GCNT2: variants seen among roughly 807,000 people sequenced by gnomAD.
GCNT2 encodes the protein N-acetyllactosaminide beta-1,6-N-acetylglucosaminyl-transferase.
In GCNT2, 34 loss-of-function variants were observed where a neutral mutation model predicts 34.2. The ratio of observed to expected loss-of-function variants is 1.00; its 90% CI spans 0.76 to 1.32. GCNT2 has a LOEUF of 1.32. Among genes scored for constraint, GCNT2 ranks in the 40% most tolerant of loss-of-function variants. GCNT2 has a pLI of 0.00. For missense variants in GCNT2, 584 were observed against 489.4 expected, an observed-to-expected ratio of 1.19 and a Z score of -1.82; for synonymous variants, 212 against 188.0, an observed-to-expected ratio of 1.13 and a Z score of -1.04.
intron 3 of GCNT2, among the ~76,000 whole-genome samples, chr6:10,573,724 G>C (rs984988387): frequency 6.6e-6 from 1 of 151,614 alleles, no homozygotes; most frequent in African/African-American, 2.4e-5. Flanking sequence ...TGACCCCATC[G>C]TTAGCTTTTT....
intron 3 of GCNT2, among the ~76,000 whole-genome samples, chr6:10,614,722 C>T (rs949358825): frequency 6.6e-6 from 1 of 151,942 alleles, no homozygotes; most frequent in African/African-American, 2.4e-5. Context: ...GTTGCCATGT[C>T]CTATTGGGAA....
intron 3 of GCNT2, among the ~76,000 whole-genome samples, chr6:10,541,913 T>G (rs975228886): frequency 6.6e-6 from 1 of 152,184 alleles, no homozygotes; most frequent in Non-Finnish European, 1.5e-5. Context: ...TTGTTGTCAC[T>G]GTAGTTAGGG....
rs149457923 is a variant in GCNT2, at chr6:10,536,893, G to A, written c.925+7057G>A. ...CGATTCTACTACCTCAGCCTCCTGA[G>A]TAGCTGGGACTACAGGCGCCCGCCA... On this transcript the variant is annotated intron_variant, in intron 3 of 4. Transcript: ENST00000495262. Among the ~76,000 whole-genome samples the A allele has an allele frequency of 7.6e-3, 1,156 of 151,916 alleles. 20 individuals carry two copies. The highest frequency in any genetic ancestry group is 0.026 in the African/African-American group (1,087 of 41,424).
chr6:10,599,655 A>G (rs895381844), intron 3 of GCNT2, among the ~76,000 whole-genome samples: 17 of 152,208 alleles, frequency 1.1e-4, no homozygotes, highest in Admixed American at 1.1e-3. Context: ...GGGGGCTCAC[A>G]TCATGGCTTC....
At chr6:10,616,187 A>G (rs1477610159) in intron 3 of GCNT2, among the ~76,000 whole-genome samples, 4 of 152,064 alleles carry the variant, frequency 2.6e-5, no homozygotes, top group South Asian at 4.2e-4. Context: ...AGTGAGCGTT[A>G]TATCTTTCAA....
intron 4 of GCNT2, among the ~76,000 whole-genome samples, chr6:10,625,604 A>G (rs1048809576): frequency 2.6e-5 from 4 of 152,160 alleles, no homozygotes; most frequent in African/African-American, 7.2e-5. Context: ...AGGCACTTGG[A>G]TAGACCAGAG....
intron 3 of GCNT2, among the ~76,000 whole-genome samples, chr6:10,605,547 C>G (rs1273964178): frequency 6.6e-6 from 1 of 151,918 alleles, no homozygotes; most frequent in Non-Finnish European, 1.5e-5. Flanking sequence ...TGTCTGGGCC[C>G]CACCTCCACC....
In GCNT2 at chr6:10,529,770, C is replaced by T; in HGVS notation, c.859C>T (p.Leu287Phe). The T allele has an allele frequency of 6.2e-7, 1 of 1,614,172 alleles. No homozygotes were observed. Among genetic ancestry groups the T allele is most frequent in the South Asian group, 1.1e-5 (1 of 91,082 alleles). ...CCAAGACCAGCTCGCACTTGACTTA[C>T]TCTCCTGGTCCAAGGACACCTACAG... The part of the protein sequence containing the change: ...VLQDQLALDL[L>F]SWSKDTYSPD... The change falls in exon 3 of 5, where the codon CTC (leucine) becomes TTC (phenylalanine). Residue 287 changes from leucine to phenylalanine, a missense_variant. By Grantham distance (22) the Leu-to-Phe change is conservative (BLOSUM62 0). Coordinates refer to ENST00000495262, the MANE Select transcript of GCNT2 (RefSeq NM_145649.5).
At chr6:10,539,377 C>T (rs372961355) in intron 3 of GCNT2, among the ~76,000 whole-genome samples, 16 of 151,550 alleles carry the variant, frequency 1.1e-4, no homozygotes, top group South Asian at 2.1e-4. Flanking sequence ...TTAGTAGAGA[C>T]GGGGTTTCTC....
chr6:10,529,257 G>A lies in GCNT2; in HGVS notation c.346G>A (p.Ala116Thr). Residue 116 changes from alanine (A) to threonine (T), a missense_variant, in exon 3 of 5, where the codon GCG becomes ACG. Coordinates refer to ENST00000495262, the MANE Select transcript of GCNT2 (RefSeq NM_145649.5). Reference sequence around the variant, plus strand: ...CGGCACTTTTGAGAGGCTCTTCAGGGCGATTTATATGCCCCAAAATGTCTA... The same window carrying A: ...CGGCACTTTTGAGAGGCTCTTCAGGACGATTTATATGCCCCAAAATGTCTA... ...DFGTFERLFR[A>T]IYMPQNVYCV... 6.2e-7 allele frequency: 1 copy of A among 1,614,166 alleles called. No homozygotes were observed. The highest frequency in any genetic ancestry group is 1.3e-5 in the African/African-American group (1 of 75,056).
chr6:10,617,750 C>CTTTTTTTTTTTTT lies in GCNT2; in HGVS notation c.926-3591_926-3579dup, dbSNP rs3064178. Among the ~76,000 whole-genome samples, 616 of 101,586 alleles carry CTTTTTTTTTTTTT rather than the reference C, an allele frequency of 6.1e-3. 67 individuals carry two copies. Among genetic ancestry groups the CTTTTTTTTTTTTT allele is most frequent in the African/African-American group, 0.029 (569 of 19,800 alleles). 66.6% of individuals were successfully genotyped at this position (101,586 alleles called of 152,430 possible). ...CACCTGGCCAGAGTCTGCATTTCTT[C>CTTTTTTTTTTTTT]TTTTTTTTTTTTTTTTTTTTTTGAC... is the stretch of plus-strand genomic sequence containing the variant. On this transcript the variant is annotated intron_variant, in intron 3 of 4. Coordinates refer to ENST00000495262, the MANE Select transcript of GCNT2 (RefSeq NM_145649.5).
intron 3 of GCNT2, among the ~76,000 whole-genome samples, chr6:10,569,271 A>ACACC (rs1484134665): frequency 7.0e-6 from 1 of 142,356 alleles, no homozygotes; most frequent in Non-Finnish European, 1.5e-5. Context: ...ACACACACAC[A>ACACC]CACCCCCTAG....
chr6:10,573,791 G>C (rs1400043089), intron 3 of GCNT2, among the ~76,000 whole-genome samples: 1 of 152,206 alleles, frequency 6.6e-6, no homozygotes, highest in Admixed American at 6.5e-5. Flanking sequence ...CAGTGTCAAA[G>C]CCCAGGCTGC....
chr6:10,577,567 T>C (rs1763876251), intron 3 of GCNT2, among the ~76,000 whole-genome samples: 1 of 152,130 alleles, frequency 6.6e-6, no homozygotes, highest in East Asian at 1.9e-4. Context: ...TGAGATAGAA[T>C]TTCACTCTTT....
At chr6:10,582,883 G>A (rs1314013772) in intron 3 of GCNT2, among the ~76,000 whole-genome samples, 1 of 152,018 alleles carries the variant, frequency 6.6e-6, no homozygotes. Context: ...CCCTCAACAA[G>A]AGGTATCTCA....
rs774651226 is a variant in GCNT2, at chr6:10,626,411, T to G, written c.1019-6T>G. ...TTGACTCTGTTTCTTGTTCTTTCTT[T>G]TGCAGGCCACTATGTACATGGTATT... On this transcript the variant is annotated splice_polypyrimidine_tract_variant and splice_region_variant and intron_variant, in intron 4 of 4. Coordinates refer to ENST00000495262, the MANE Select transcript of GCNT2 (RefSeq NM_145649.5). 2 of 1,606,526 alleles carry G rather than the reference T, an allele frequency of 1.2e-6. No individual in the cohort carries two copies. The highest frequency in any genetic ancestry group is 1.7e-6 in the Non-Finnish European group (2 of 1,173,038).
intron 3 of GCNT2, among the ~76,000 whole-genome samples, chr6:10,566,305 A>G (rs913813382): frequency 1.3e-5 from 2 of 152,058 alleles, no homozygotes; most frequent in Admixed American, 1.3e-4. Flanking sequence ...AATCTTTAAA[A>G]AAATTTTTAG....
chr6:10,623,354 C>T (rs761698229), intron 4 of GCNT2, among the ~76,000 whole-genome samples: 103 of 150,972 alleles, frequency 6.8e-4, no homozygotes, highest in Non-Finnish European at 1.1e-3. Flanking sequence ...ACAAGTGGCA[C>T]AATCTCGGCT....
At position 10,613,349 on chromosome 6, in the gene GCNT2, G is replaced by A. The variant is rs553369830; in HGVS notation, c.926-8002G>A. ...GCAAATGAGAGAATTGGATTTTATA[G>A]TTTAAAATGTTTTCTCAGATAATAT... On this transcript the variant is annotated intron_variant, in intron 3 of 4. Coordinates refer to ENST00000495262, the MANE Select transcript of GCNT2 (RefSeq NM_145649.5). 5.9e-5 allele frequency among the ~76,000 whole-genome samples: 9 copies of A among 151,864 alleles called. No individual in the cohort carries two copies. In the East Asian group the frequency reaches 1.5e-3, roughly 26 times the overall value.
Sources: allele counts gnomAD v4.1 joint callset (sites outside exome capture counted in the v4.1 genomes callset), GRCh38; gene constraint gnomAD v4.1.1; transcripts MANE v1.5; gene names NCBI Gene and HGNC (gene_info 2026-07-23, HGNC 2026-07-21).